IL1RAPL1: variants seen among roughly 807,000 people sequenced by gnomAD.
IL1RAPL1 encodes interleukin-1 receptor accessory protein-like 1.
IL1RAPL1 carries 3 observed loss-of-function variants against 48.4 expected under a neutral mutation model. The observed-to-expected ratio is 0.06, with a 90% CI of 0.03 to 0.16. IL1RAPL1 has a LOEUF of 0.16. IL1RAPL1 is among the 10% of genes least tolerant of loss of function. IL1RAPL1 has a pLI of 1.00. For synonymous variants in IL1RAPL1, 185 were observed against 187.7 expected, an observed-to-expected ratio of 0.99 and a Z score of 0.12; for missense variants, 349 against 530.6, an observed-to-expected ratio of 0.66 and a Z score of 3.36.
intron 6 of IL1RAPL1, among the ~76,000 whole-genome samples, chrX:29,756,288 A>T (rs190113195): frequency 1.8e-5 from 2 of 112,338 alleles, no homozygotes; most frequent in Admixed American, 1.9e-4. Context: ...GAAAATTGGG[A>T]AGTATACACA....
intron 1 of IL1RAPL1, among the ~76,000 whole-genome samples, chrX:28,697,197 C>T (rs1326776043): frequency 9.1e-6 from 1 of 110,341 alleles, no homozygotes; most frequent in Non-Finnish European, 1.9e-5. Context: ...ATTTAAATAT[C>T]CTGCCAGTTT....
Position 29,168,881 on chromosome X carries a change from ATATATATATTCATATGTACAATTG to A in IL1RAPL1, c.83-114023_83-114000del, listed in dbSNP as rs1555971029. ...TATGTATATTCATATGTACAATTGT[ATATATATATTCATATGTACAATTG>A]TATATATATTCATATGTACAATTGT... On this transcript the variant is annotated intron_variant, in intron 2 of 10. Transcript: ENST00000378993. Among the ~76,000 whole-genome samples the A allele has an allele frequency of 1.8e-3, 149 of 82,390 alleles. 2 individuals carry two copies. The highest frequency in any genetic ancestry group is 5.3e-3 in the African/African-American group (134 of 25,099). 71.5% of individuals were successfully genotyped at this position (82,390 alleles called of 115,157 possible). A position where few individuals can be genotyped will look rare whatever the true frequency, so the allele number is the denominator to read the frequency against.
rs149004620 is a variant in IL1RAPL1, at chrX:29,069,356, A to G, written c.83-213582A>G. Among the ~76,000 whole-genome samples the G allele has an allele frequency of 6.4e-3, 718 of 111,651 alleles. 8 individuals are homozygous for G. Among genetic ancestry groups the G allele is most frequent in the African/African-American group, 0.022 (684 of 30,746 alleles). ...CTAACAATGAGGAAAAATGGTAAAT[A>G]TTTGGGAACGTAATCGAATGTGGAG... is the stretch of plus-strand genomic sequence containing the variant. On this transcript the variant is annotated intron_variant, in intron 2 of 10. Coordinates refer to ENST00000378993, the MANE Select transcript of IL1RAPL1 (RefSeq NM_014271.4).
intron 3 of IL1RAPL1, among the ~76,000 whole-genome samples, chrX:29,358,208 G>A (rs758191442): frequency 1.8e-5 from 2 of 111,238 alleles, no homozygotes; most frequent in African/African-American, 3.3e-5. Context: ...GAGGGCAGGA[G>A]GTCAGAAAGA....
chrX:28,779,016 G>T (rs1372351702), intron 1 of IL1RAPL1, among the ~76,000 whole-genome samples: 1 of 111,764 alleles, frequency 8.9e-6, no homozygotes, highest in Admixed American at 9.5e-5. Context: ...GGAATGTCAA[G>T]TATTAGTAAT....
chrX:29,385,511 T>A (rs1014064762), intron 3 of IL1RAPL1, among the ~76,000 whole-genome samples: 1 of 112,330 alleles, frequency 8.9e-6, no homozygotes, highest in Non-Finnish European at 1.9e-5. Flanking sequence ...TTCCATTCCT[T>A]CCTCCCACCA....
At chrX:28,966,387 G>C (rs773751818) in intron 2 of IL1RAPL1, among the ~76,000 whole-genome samples, 3 of 111,964 alleles carry the variant, frequency 2.7e-5, no homozygotes, top group Non-Finnish European at 5.6e-5. Context: ...ATCTACAACA[G>C]GGAAGAAGGG....
chrX:29,479,456 G>A lies in IL1RAPL1; in HGVS notation c.703+80148G>A, dbSNP rs1283432067. Among the ~76,000 whole-genome samples, 6 of 100,794 alleles carry A rather than the reference G, an allele frequency of 6.0e-5. No homozygotes were observed. The South Asian group carries it at 1.9e-3, about 33-fold the overall frequency. 87.5% of individuals were successfully genotyped at this position (100,794 alleles called of 115,157 possible). A position where few individuals can be genotyped will look rare whatever the true frequency, so the allele number is the denominator to read the frequency against. ...ATTAGCATTGTAAGTGTTGCAAAAT[G>A]TATAGGAAAGTAAATTTTCACAACT... On this transcript the variant is annotated intron_variant, in intron 5 of 10. Transcript: ENST00000378993.
intron 2 of IL1RAPL1, among the ~76,000 whole-genome samples, chrX:29,087,589 C>T (rs938848599): frequency 1.8e-5 from 2 of 112,094 alleles, no homozygotes; most frequent in African/African-American, 6.5e-5. Context: ...CAATAAGTCA[C>T]TGAACAACAA....
intron 3 of IL1RAPL1, among the ~76,000 whole-genome samples, chrX:29,335,320 AG>A (rs1304593417): frequency 1.8e-3 from 3 of 1,653 alleles, no homozygotes; most frequent in African/African-American, 3.1e-3. Context: ...GAGAGGGGAG[AG>A]GGGAGAGGGG....
chrX:29,381,814 C>CAAAAA (rs1213630768), intron 3 of IL1RAPL1, among the ~76,000 whole-genome samples: 2 of 33,393 alleles, frequency 6.0e-5, no homozygotes, highest in African/African-American at 1.1e-4. Context: ...AGACTGTTGC[C>CAAAAA]AAAAAAAAAA....
intron 2 of IL1RAPL1, among the ~76,000 whole-genome samples, chrX:29,023,763 G>A (rs1442473281): frequency 1.8e-5 from 2 of 111,657 alleles, no homozygotes; most frequent in East Asian, 5.6e-4. Flanking sequence ...TATCTGTATC[G>A]ATTAGATAAA....
chrX:28,907,693 A>T (rs1405190323), intron 2 of IL1RAPL1, among the ~76,000 whole-genome samples: 1 of 112,605 alleles, frequency 8.9e-6, no homozygotes, highest in African/African-American at 3.2e-5. Flanking sequence ...TATATTTATG[A>T]GAGATAGCTT....
At chrX:29,140,720 A>G in intron 2 of IL1RAPL1, among the ~76,000 whole-genome samples, 1 of 111,997 alleles carries the variant, frequency 8.9e-6, no homozygotes, top group African/African-American at 3.2e-5. Flanking sequence ...TCAAGTCACC[A>G]TCAGATTCAG....
intron 5 of IL1RAPL1, among the ~76,000 whole-genome samples, chrX:29,544,132 C>A (rs1921531269): frequency 9.0e-6 from 1 of 111,449 alleles, no homozygotes; most frequent in South Asian, 3.7e-4. Flanking sequence ...TCACCCAGCC[C>A]TTTGTTTCCT....
At chrX:29,579,202 A>G (rs762286482) in intron 5 of IL1RAPL1, among the ~76,000 whole-genome samples, 1 of 112,324 alleles carries the variant, frequency 8.9e-6, no homozygotes, top group Non-Finnish European at 1.9e-5. Flanking sequence ...AGGCTAGCGC[A>G]TATCCAAGGG....
chrX:29,890,603 G>A (rs1410910654), intron 6 of IL1RAPL1, among the ~76,000 whole-genome samples: 1 of 112,051 alleles, frequency 8.9e-6, no homozygotes, highest in Non-Finnish European at 1.9e-5. Context: ...AATAGCCTCC[G>A]GAGAAAATGC....
intron 5 of IL1RAPL1, among the ~76,000 whole-genome samples, chrX:29,548,586 G>A (rs1445519719): frequency 9.0e-6 from 1 of 111,652 alleles, no homozygotes; most frequent in Non-Finnish European, 1.9e-5. Flanking sequence ...AAACGTGAAA[G>A]GTTTTTTATG....
At chrX:29,939,298 T>G (rs1933085750) in intron 8 of IL1RAPL1, among the ~76,000 whole-genome samples, 1 of 112,023 alleles carries the variant, frequency 8.9e-6, no homozygotes. Context: ...TTTAATATAC[T>G]AAATTAGAAA....
Sources: allele counts gnomAD v4.1 joint callset (sites outside exome capture counted in the v4.1 genomes callset), GRCh38; gene constraint gnomAD v4.1.1; transcripts MANE v1.5; gene names NCBI Gene and HGNC (gene_info 2026-07-23, HGNC 2026-07-21).